Variants in FRMPD4 observed in about 807,000 individuals in gnomAD.
The protein encoded by FRMPD4 is FERM and PDZ domain containing 4, also known as FERM and PDZ domain-containing protein 4.
A neutral mutation model predicts 94.1 loss-of-function variants in FRMPD4; 22 were observed. The observed-to-expected ratio is 0.23, with a 90% confidence interval of 0.17 to 0.33. The LOEUF is 0.33. FRMPD4 is among the 10% of genes least tolerant of loss of function. The probability of loss-of-function intolerance (pLI) is 1.00; values close to 1 mark genes in which losing one functional copy is unlikely to be tolerated. For synonymous variants in FRMPD4, 631 were observed against 548.6 expected (o/e 1.15, Z -2.10); for missense variants, 1,111 against 1,339.9 (o/e 0.83, Z 2.67).
At position 12,176,700 on chromosome X, in the gene FRMPD4, A is replaced by G. The variant is rs369615585; in HGVS notation, c.41+37688A>G. ...ATTAATGTGTTATCTAAACTTGAGC[A>G]AAACAACAGTGTTTTGTATTCTGAA... On this transcript the variant is annotated intron_variant, in intron 1 of 16. Coordinates refer to ENST00000675598, the MANE Select transcript of FRMPD4 (RefSeq NM_001368397.1). Among the ~76,000 whole-genome samples the G allele has an allele frequency of 8.0e-5, 9 of 112,558 alleles. No individual in the cohort carries two copies. In the East Asian group the frequency reaches 2.5e-3, roughly 31 times the overall value.
intron 1 of FRMPD4, among the ~76,000 whole-genome samples, chrX:12,474,280 C>A (rs757575966): frequency 1.4e-3 from 151 of 110,331 alleles, no homozygotes; most frequent in South Asian, 6.4e-3. Context: ...AAGACACAAC[C>A]TACCAGAATC....
intron 3 of FRMPD4, among the ~76,000 whole-genome samples, chrX:11,950,824 G>A (rs1316648154): frequency 8.1e-5 from 9 of 110,645 alleles, no homozygotes; most frequent in Admixed American, 5.8e-4. Flanking sequence ...TTGGGAGGCC[G>A]AGGCATGTGG....
chrX:11,929,887 C>G (rs776034518), intron 3 of FRMPD4, among the ~76,000 whole-genome samples: 2 of 109,621 alleles, frequency 1.8e-5, no homozygotes, highest in Non-Finnish European at 3.8e-5. Context: ...GCTGGTGTAT[C>G]ACCTGAGGTC....
At chrX:12,131,344 GA>G (rs1179220730) in intron 3 of FRMPD4, among the ~76,000 whole-genome samples, 4 of 112,146 alleles carry the variant, frequency 3.6e-5, no homozygotes, top group African/African-American at 1.3e-4. Flanking sequence ...AATGTAGATG[GA>G]ATCTCAAAAT....
At chrX:12,538,905 C>G (rs1193321561) in intron 2 of FRMPD4, among the ~76,000 whole-genome samples, 7 of 112,092 alleles carry the variant, frequency 6.2e-5, no homozygotes, top group Non-Finnish European at 3.8e-5. Flanking sequence ...CGACTCTCCC[C>G]CTCCAAAGGA....
At chrX:11,874,403 G>C (rs1346803216) in intron 2 of FRMPD4, among the ~76,000 whole-genome samples, 1 of 112,290 alleles carries the variant, frequency 8.9e-6, no homozygotes, top group African/African-American at 3.2e-5. Flanking sequence ...TTCCGCCTCA[G>C]CCTCCCAAGG....
chrX:12,258,774 G>GTTT (rs1401537181), intron 1 of FRMPD4, among the ~76,000 whole-genome samples: 1 of 110,960 alleles, frequency 9.0e-6, no homozygotes, highest in Non-Finnish European at 1.9e-5. Context: ...AGTGTAATTG[G>GTTT]GATATCTACC....
chrX:12,370,977 G>A (rs2056154116), intron 1 of FRMPD4, among the ~76,000 whole-genome samples: 2 of 111,627 alleles, frequency 1.8e-5, no homozygotes, highest in South Asian at 7.6e-4. Context: ...CATTGCCAAG[G>A]GGAAATTTCT....
chrX:12,047,076 C>G (rs1354487512), intron 3 of FRMPD4, among the ~76,000 whole-genome samples: 1 of 108,053 alleles, frequency 9.3e-6, no homozygotes, highest in Admixed American at 1.0e-4. Context: ...AATATTTATA[C>G]ATGGTTATAT....
At position 12,004,024 on chromosome X, in the gene FRMPD4, C is replaced by A. The variant is rs1601879604; in HGVS notation, c.95+126006C>A. Among the ~76,000 whole-genome samples, 3 of 111,568 alleles carry A rather than the reference C, an allele frequency of 2.7e-5. No homozygotes were observed. The Admixed American group carries it at 2.9e-4, about 11-fold the overall frequency. Reference sequence around the variant, plus strand: ...GACTGGCTTTTTCTCCCTCTTCTTCCCCCTGCCTTGATTCCCAATGCTGGC... The same window carrying A: ...GACTGGCTTTTTCTCCCTCTTCTTCACCCTGCCTTGATTCCCAATGCTGGC... On this transcript the variant is annotated intron_variant, in intron 3 of 18. Coordinates refer to the FRMPD4 transcript ENST00000640291.
intron 1 of FRMPD4, among the ~76,000 whole-genome samples, chrX:12,240,046 C>G (rs1388572509): frequency 8.0e-5 from 9 of 112,180 alleles, no homozygotes; most frequent in Non-Finnish European, 1.7e-4. Context: ...TTACAATAAC[C>G]AACAAACATT....
intron 4 of FRMPD4, among the ~76,000 whole-genome samples, chrX:12,672,459 G>A (rs2059853463): frequency 8.9e-6 from 1 of 112,321 alleles, no homozygotes; most frequent in African/African-American, 3.2e-5. Flanking sequence ...CAGTGTAAGG[G>A]TAGTAACTGC....
chrX:12,332,133 T>C (rs1475995945), intron 1 of FRMPD4, among the ~76,000 whole-genome samples: 1 of 84,812 alleles, frequency 1.2e-5, no homozygotes, highest in African/African-American at 4.4e-5. Context: ...TTTTATATAT[T>C]ATATATAATT....
At chrX:12,485,191 A>G (rs1008507375) in intron 1 of FRMPD4, among the ~76,000 whole-genome samples, 3 of 112,768 alleles carry the variant, frequency 2.7e-5, no homozygotes, top group African/African-American at 9.7e-5. Flanking sequence ...AAGTAGTACA[A>G]GAAATGATTC....
chrX:11,944,112 G>T (rs895487547), intron 3 of FRMPD4, among the ~76,000 whole-genome samples: 1 of 112,307 alleles, frequency 8.9e-6, no homozygotes, highest in Non-Finnish European at 1.9e-5. Flanking sequence ...TTTACTGACC[G>T]CTGGTTTATG....
chrX:12,400,065 A>G (rs996577840), intron 1 of FRMPD4, among the ~76,000 whole-genome samples: 6 of 111,658 alleles, frequency 5.4e-5, no homozygotes, highest in Non-Finnish European at 7.5e-5. Context: ...AAATATTTGC[A>G]CTTGTTTCTG....
chrX:12,645,795 T>C (rs2059542919), intron 4 of FRMPD4, among the ~76,000 whole-genome samples: 1 of 112,299 alleles, frequency 8.9e-6, no homozygotes, highest in Non-Finnish European at 1.9e-5. Context: ...ATACTTAGTT[T>C]AAGAAACAAA....
intron 2 of FRMPD4, among the ~76,000 whole-genome samples, chrX:12,605,927 C>T (rs1320092960): frequency 1.8e-5 from 2 of 112,063 alleles, no homozygotes; most frequent in Non-Finnish European, 3.8e-5. Context: ...TGAACACTAG[C>T]GTGAACACTT....
At chrX:12,193,769 A>AG in intron 1 of FRMPD4, among the ~76,000 whole-genome samples, 1 of 14,767 alleles carries the variant, frequency 6.8e-5, no homozygotes, top group African/African-American at 4.3e-4. Context: ...AAAGAAAGAA[A>AG]GAAAGGAAGG....
Sources: allele counts gnomAD v4.1 joint callset (sites outside exome capture counted in the v4.1 genomes callset), GRCh38; gene constraint gnomAD v4.1.1; transcripts MANE v1.5; gene names NCBI Gene and HGNC (gene_info 2026-07-23, HGNC 2026-07-21).